Variants in MAGI2 observed in about 807,000 individuals in gnomAD.
The protein encoded by MAGI2 is membrane-associated guanylate kinase, WW and PDZ domain-containing protein 2.
MAGI2 carries 35 observed loss-of-function variants against 133.3 expected under a neutral mutation model. The observed-to-expected ratio is 0.26, with a 90% CI of 0.20 to 0.35. The LOEUF is 0.35. MAGI2 is among the 10% of genes least tolerant of loss of function. The probability of loss-of-function intolerance (pLI) is 1.00; values close to 1 mark genes in which losing one functional copy is unlikely to be tolerated. For synonymous variants in MAGI2, 729 were observed against 710.6 expected, an observed-to-expected ratio of 1.03 and a Z score of -0.41; for missense variants, 1,636 against 1,863.4, an observed-to-expected ratio of 0.88 and a Z score of 2.25.
At chr7:78,229,679 T>C (rs534285245) in intron 10 of MAGI2, among the ~76,000 whole-genome samples, 2 of 152,192 alleles carry the variant, frequency 1.3e-5, no homozygotes, top group Non-Finnish European at 1.5e-5. Flanking sequence ...GTAATATTTG[T>C]TTTGGAACCA....
intron 1 of MAGI2, among the ~76,000 whole-genome samples, chr7:79,166,273 T>A (rs919389717): frequency 6.6e-6 from 1 of 152,012 alleles, no homozygotes; most frequent in Admixed American, 6.6e-5. Flanking sequence ...CAGATTACAT[T>A]GTATGAGACC....
At chr7:78,486,676 C>A in intron 6 of MAGI2, 1 of 386,804 alleles carries the variant, frequency 2.6e-6, no homozygotes, top group South Asian at 2.3e-5. Context: ...ACAACAATGG[C>A]GACAACGATG....
chr7:78,884,741 C>T (rs1288565021), intron 2 of MAGI2, among the ~76,000 whole-genome samples: 4 of 152,038 alleles, frequency 2.6e-5, no homozygotes, highest in African/African-American at 9.7e-5. Context: ...ATTAGTTCAG[C>T]CACTATAGAA....
chr7:78,022,618 C>G (rs1237843510), intron 21 of MAGI2, among the ~76,000 whole-genome samples: 1 of 152,190 alleles, frequency 6.6e-6, no homozygotes, highest in Non-Finnish European at 1.5e-5. Flanking sequence ...CCACTGCCAA[C>G]CAACAGGAAC....
intron 2 of MAGI2, among the ~76,000 whole-genome samples, chr7:78,802,653 C>T (rs1228339384): frequency 6.6e-6 from 1 of 152,016 alleles, no homozygotes; most frequent in African/African-American, 2.4e-5. Flanking sequence ...TATGAATTTA[C>T]CTGACCATGA....
chr7:78,700,420 T>A (rs1817948465), intron 2 of MAGI2, among the ~76,000 whole-genome samples: 1 of 152,130 alleles, frequency 6.6e-6, no homozygotes, highest in Non-Finnish European at 1.5e-5. Flanking sequence ...TTCTTGTTTA[T>A]CTTCTTCCTA....
intron 12 of MAGI2, among the ~76,000 whole-genome samples, chr7:78,190,107 A>G (rs1221364851): frequency 6.6e-6 from 1 of 152,212 alleles, no homozygotes; most frequent in African/African-American, 2.4e-5. Context: ...CTTATTTTCT[A>G]TATTAAGAAA....
intron 2 of MAGI2, among the ~76,000 whole-genome samples, chr7:78,990,901 T>TACAC (rs768501719): frequency 3.8e-3 from 299 of 77,748 alleles, no homozygotes; most frequent in Admixed American, 7.9e-3. Flanking sequence ...ATTTTATATG[T>TACAC]ACATACACAC....
chr7:78,298,383 T>C (rs1487326109), intron 9 of MAGI2, among the ~76,000 whole-genome samples: 3 of 152,230 alleles, frequency 2.0e-5, no homozygotes, highest in African/African-American at 7.2e-5. Flanking sequence ...TAGTTAATAA[T>C]ACCACATCAT....
intron 21 of MAGI2, chr7:78,072,428 C>A (rs1814809671): frequency 6.6e-6 from 1 of 152,396 alleles, no homozygotes; most frequent in Admixed American, 6.5e-5. Context: ...CACTGAGGAC[C>A]AGGACTACAT....
intron 1 of MAGI2, chr7:79,125,013 A>T: frequency 4.1e-6 from 1 of 242,756 alleles, no homozygotes; most frequent in Non-Finnish European, 8.2e-6. Flanking sequence ...TCAAGAGAAG[A>T]TTCTCAAAAC....
At position 79,223,742 on chromosome 7, in the gene MAGI2, G is replaced by A. The variant is rs1235865654; in HGVS notation, c.302-216536C>T. Among the ~76,000 whole-genome samples the A allele has an allele frequency of 3.3e-5, 5 of 151,960 alleles. No homozygotes were observed. In the East Asian group the frequency reaches 5.8e-4, roughly 18 times the overall value. On this transcript the variant is annotated intron_variant, in intron 1 of 21. Transcript: ENST00000354212. ...TATCATAGTAAAAAAACAGATTATCGTAACAAAAAGAAGTAGCTCTGGTAC... is the reference window on the plus strand; with the variant it reads ...TATCATAGTAAAAAAACAGATTATCATAACAAAAAGAAGTAGCTCTGGTAC...
intron 21 of MAGI2, among the ~76,000 whole-genome samples, chr7:78,064,614 T>C (rs74371170): frequency 0.1 from 15,349 of 152,056 alleles, 867 homozygotes; most frequent in African/African-American, 0.13. Context: ...CAAACCAGAA[T>C]TGAGAAGTGT....
chr7:78,445,922 CTTT>C (rs995792334), intron 6 of MAGI2, among the ~76,000 whole-genome samples: 120 of 151,432 alleles, frequency 7.9e-4, no homozygotes, highest in African/African-American at 2.8e-3. Context: ...CCTATATTGT[CTTT>C]TTTATTTTTA....
At chr7:78,253,378 T>C (rs542514802) in intron 10 of MAGI2, 1 of 152,354 alleles carries the variant, frequency 6.6e-6, no homozygotes, top group Non-Finnish European at 1.5e-5. Flanking sequence ...TATTAGTGGT[T>C]ACCTGGGGTT....
intron 9 of MAGI2, among the ~76,000 whole-genome samples, chr7:78,260,173 T>C (rs798321): frequency 0.32 from 49,014 of 152,086 alleles, 9,177 homozygotes; most frequent in African/African-American, 0.51. Flanking sequence ...AAAACTCTTA[T>C]AGACGGGGAT....
At chr7:78,620,151 C>T (rs1807575431) in intron 3 of MAGI2, among the ~76,000 whole-genome samples, 2 of 151,914 alleles carry the variant, frequency 1.3e-5, no homozygotes, top group South Asian at 4.1e-4. Flanking sequence ...TCAATCTAAG[C>T]ATTGACATGC....
intron 1 of MAGI2, among the ~76,000 whole-genome samples, chr7:79,084,110 G>T (rs1024329341): frequency 6.6e-6 from 1 of 151,264 alleles, no homozygotes; most frequent in East Asian, 1.9e-4. Context: ...TCAATTTTTT[G>T]GTGTACTTGA....
At chr7:78,290,977 G>GA (rs1796645556) in intron 9 of MAGI2, among the ~76,000 whole-genome samples, 1 of 152,142 alleles carries the variant, frequency 6.6e-6, no homozygotes, top group Admixed American at 6.6e-5. Flanking sequence ...GCCCACAAGA[G>GA]AAAGCAGGAA....
Sources: gnomAD v4.1 joint callset for allele counts (sites outside exome capture counted in the v4.1 genomes callset) on GRCh38, gnomAD v4.1.1 for gene constraint, MANE v1.5 for transcripts, NCBI Gene and HGNC (gene_info 2026-07-23, HGNC 2026-07-21) for gene names.